The following SORCS3 variants were observed in gnomAD, a reference collection of about 807,000 sequenced individuals.
SORCS3 encodes the protein sortilin related VPS10 domain containing receptor 3.
In SORCS3, 57 loss-of-function variants were observed where a neutral mutation model predicts 146.3. That is an observed-to-expected ratio of 0.39 (90% CI 0.31 to 0.49). SORCS3 has a LOEUF of 0.49. SORCS3 is among the 20% of genes least tolerant of loss of function. The pLI is 0.92. For missense variants in SORCS3, 1,341 were observed against 1,575.5 expected, an observed-to-expected ratio of 0.85 and a Z score of 2.52; for synonymous variants, 653 against 618.5, an observed-to-expected ratio of 1.06 and a Z score of -0.83.
At chr10:104,938,802 G>A (rs1352530115) in intron 3 of SORCS3, among the ~76,000 whole-genome samples, 7 of 152,124 alleles carry the variant, frequency 4.6e-5, no homozygotes, top group African/African-American at 2.4e-5. Context: ...GGCTGTCACA[G>A]TGCAACATTT....
intron 1 of SORCS3, among the ~76,000 whole-genome samples, chr10:104,787,762 C>T (rs2017455034): frequency 6.6e-6 from 1 of 152,048 alleles, no homozygotes; most frequent in Non-Finnish European, 1.5e-5. Context: ...TAAAAAATAC[C>T]CAGCCCGCTA....
intron 5 of SORCS3, among the ~76,000 whole-genome samples, chr10:105,069,297 T>G (rs2055542716): frequency 6.6e-6 from 1 of 152,214 alleles, no homozygotes; most frequent in Admixed American, 6.5e-5. Flanking sequence ...TCCACTTATC[T>G]TGTAAAGTTC....
intron 1 of SORCS3, chr10:104,665,118 C>T (rs2015755579): frequency 6.6e-6 from 1 of 152,366 alleles, no homozygotes; most frequent in Admixed American, 6.5e-5. Context: ...TTCTGGAAGA[C>T]ACCGCCTCTT....
chr10:104,842,923 A>G, intron 2 of SORCS3, 64 bp downstream of exon 2: 1 of 1,295,958 alleles, frequency 7.7e-7, no homozygotes, highest in Non-Finnish European at 1.1e-6. Context: ...ACGCAAGCTA[A>G]GCAGTTGGGA....
At chr10:104,761,064 A>G (rs1387167032) in intron 1 of SORCS3, among the ~76,000 whole-genome samples, 3 of 152,262 alleles carry the variant, frequency 2.0e-5, no homozygotes, top group East Asian at 1.9e-4. Context: ...TGGAAATCCT[A>G]CCTCCTTGAA....
intron 5 of SORCS3, among the ~76,000 whole-genome samples, chr10:105,053,290 A>G (rs1235568884): frequency 6.6e-6 from 1 of 152,080 alleles, no homozygotes; most frequent in Non-Finnish European, 1.5e-5. Flanking sequence ...AAAACAGGGA[A>G]CAACTTGGGA....
At chr10:104,949,728 A>G (rs2019408826) in intron 3 of SORCS3, among the ~76,000 whole-genome samples, 1 of 152,230 alleles carries the variant, frequency 6.6e-6, no homozygotes, top group African/African-American at 2.4e-5. Context: ...AACCCACTAC[A>G]TAAACGTTTT....
chr10:104,908,279 CAG>C (rs1332468259), intron 2 of SORCS3, among the ~76,000 whole-genome samples: 1 of 152,218 alleles, frequency 6.6e-6, no homozygotes, highest in Admixed American at 6.5e-5. Flanking sequence ...CAATTGGAAA[CAG>C]TGTCCACAGA....
At chr10:104,844,962 GTC>G (rs1467767108) in intron 2 of SORCS3, among the ~76,000 whole-genome samples, 11 of 152,276 alleles carry the variant, frequency 7.2e-5, no homozygotes, top group Middle Eastern at 3.4e-3. Context: ...ACTTCACTAA[GTC>G]TGTTTCTCTG....
At chr10:105,050,587 T>A (rs1412974533) in intron 5 of SORCS3, among the ~76,000 whole-genome samples, 1 of 152,122 alleles carries the variant, frequency 6.6e-6, no homozygotes, top group African/African-American at 2.4e-5. Flanking sequence ...ACTTCAGCCC[T>A]GGCAAACACT....
chr10:105,008,945 C>A (rs1448614798), intron 4 of SORCS3, among the ~76,000 whole-genome samples: 2 of 152,218 alleles, frequency 1.3e-5, no homozygotes, highest in African/African-American at 4.8e-5. Flanking sequence ...CTGTGACCAG[C>A]TTGAGCTGAG....
intron 16 of SORCS3, among the ~76,000 whole-genome samples, chr10:105,208,905 T>C (rs1589689375): frequency 6.6e-6 from 1 of 152,118 alleles, no homozygotes; most frequent in South Asian, 2.1e-4. Flanking sequence ...AACATTTACT[T>C]GGCAGCAGTG....
intron 7 of SORCS3, among the ~76,000 whole-genome samples, chr10:105,117,580 T>A (rs1007299413): frequency 6.6e-6 from 1 of 152,176 alleles, no homozygotes; most frequent in East Asian, 1.9e-4. Flanking sequence ...TAAATATTTT[T>A]AAAATATCCA....
intron 5 of SORCS3, among the ~76,000 whole-genome samples, chr10:105,069,930 C>T (rs912861591): frequency 5.3e-5 from 8 of 152,168 alleles, no homozygotes; most frequent in African/African-American, 1.4e-4. Flanking sequence ...ACCTATCCCC[C>T]AGTCTAGCCA....
chr10:105,092,102 G>T (rs1214288942), intron 6 of SORCS3, among the ~76,000 whole-genome samples: 1 of 152,172 alleles, frequency 6.6e-6, no homozygotes, highest in South Asian at 2.1e-4. Context: ...TTAAAAAAAT[G>T]TAGTTTCTTA....
rs574826197 is a variant in SORCS3, at chr10:105,254,628, G to A, written c.3238-1074G>A. 1.2e-4 allele frequency among the ~76,000 whole-genome samples: 18 copies of A among 152,148 alleles called. 1 individual carries two copies. Among genetic ancestry groups the A allele is most frequent in the African/African-American group, 3.9e-4 (16 of 41,502 alleles). On this transcript the variant is annotated intron_variant, in intron 23 of 26. Coordinates refer to ENST00000369701, the MANE Select transcript of SORCS3 (RefSeq NM_014978.3). ...GGCCTCTGCAACATGGTGAAACCCC[G>A]TCTCTACTAAAAATACAAAAATTAG...
intron 5 of SORCS3, among the ~76,000 whole-genome samples, chr10:105,083,170 C>G (rs2055636746): frequency 6.6e-6 from 1 of 151,190 alleles, no homozygotes; most frequent in Non-Finnish European, 1.5e-5. Context: ...CAAATAAAGG[C>G]ATTATTGATT....
intron 3 of SORCS3, among the ~76,000 whole-genome samples, chr10:104,945,199 G>A (rs1157532735): frequency 1.3e-5 from 2 of 152,046 alleles, no homozygotes; most frequent in Non-Finnish European, 2.9e-5. Flanking sequence ...TGGGAGAGAG[G>A]ACATACAAGG....
chr10:104,751,924 C>CATACATATATATAT (rs1554848908), intron 1 of SORCS3, among the ~76,000 whole-genome samples: 2 of 38,456 alleles, frequency 5.2e-5, no homozygotes, highest in Non-Finnish European at 1.3e-4. Context: ...TAATAGGAAG[C>CATACATATATATAT]ATATATATAT....
Sources: gnomAD v4.1 joint callset for allele counts (sites outside exome capture counted in the v4.1 genomes callset) on GRCh38, gnomAD v4.1.1 for gene constraint, MANE v1.5 for transcripts, NCBI Gene and HGNC (gene_info 2026-07-23, HGNC 2026-07-21) for gene names.